Variants in ZNF608 observed in about 807,000 individuals in gnomAD.
ZNF608 encodes zinc finger protein 608, also known as renal carcinoma antigen NY-REN-36.
ZNF608 carries 12 observed loss-of-function variants against 109.0 expected under a neutral mutation model. The observed-to-expected ratio is 0.11, with a 90% CI of 0.07 to 0.18. The LOEUF (loss-of-function observed/expected upper bound fraction) is 0.18, where lower values mean the gene tolerates loss of function less well. ZNF608 is among the 10% of genes least tolerant of loss of function. The probability of loss-of-function intolerance (pLI) is 1.00; values close to 1 mark genes in which losing one functional copy is unlikely to be tolerated. For missense variants in ZNF608, 1,707 were observed against 1,879.3 expected, an observed-to-expected ratio of 0.91 and a Z score of 1.70; for synonymous variants, 732 against 717.4, an observed-to-expected ratio of 1.02 and a Z score of -0.33.
At chr5:124,638,875 C>T (rs546364762) in intron 9 of ZNF608, 33 of 1,040,178 alleles carry the variant, frequency 3.2e-5, no homozygotes, top group Admixed American at 3.0e-4. Flanking sequence ...TTAGAAATGC[C>T]GTAAGGATAA....
intron 2 of ZNF608, among the ~76,000 whole-genome samples, chr5:124,738,281 G>A (rs570917065): frequency 6.6e-6 from 1 of 152,184 alleles, no homozygotes; most frequent in African/African-American, 2.4e-5. Context: ...AGCGAAGAAG[G>A]GTTATTTTCC....
chr5:124,727,131 G>A (rs531975496), intron 2 of ZNF608, among the ~76,000 whole-genome samples: 9 of 152,272 alleles, frequency 5.9e-5, no homozygotes, highest in Non-Finnish European at 1.3e-4. Context: ...CAGCAACAGA[G>A]TTTTGCAACA....
In ZNF608 at chr5:124,649,028, T is replaced by G. The variant is rs997647739; in HGVS notation, c.1356A>C (p.Thr452=). 6.2e-7 allele frequency: 1 copy of G among 1,614,092 alleles called. No individual in the cohort carries two copies. The change falls in exon 5 of 10, where the codon ACA becomes ACC. Residue 452 remains threonine, a synonymous_variant. Coordinates refer to ENST00000513986, the MANE Select transcript of ZNF608 (RefSeq NM_020747.3). ...AAAPGSEASF[T]ESRGLQNKNR... is the part of the protein sequence containing the mutation. The stretch of plus-strand genomic sequence containing the variant: ...TCTTATTCTGCAGCCCTCTGGACTC[T>G]GTGAAGCTGGCCTCGGAGCCCGGGG...
At chr5:124,742,525 A>G (rs1185978421) in intron 2 of ZNF608, among the ~76,000 whole-genome samples, 1 of 151,936 alleles carries the variant, frequency 6.6e-6, no homozygotes, top group Non-Finnish European at 1.5e-5. Context: ...ACTAAGTAAT[A>G]AGAAGATTTC....
intron 3 of ZNF608, among the ~76,000 whole-genome samples, chr5:124,669,658 AACACAC>A (rs56258363): frequency 9.5e-5 from 14 of 148,128 alleles, no homozygotes; most frequent in South Asian, 2.2e-4. Context: ...AACACACACA[AACACAC>A]ACACACACAC....
chr5:124,739,612 T>C (rs1056172103), intron 2 of ZNF608, among the ~76,000 whole-genome samples: 16 of 152,232 alleles, frequency 1.1e-4, no homozygotes, highest in Non-Finnish European at 2.1e-4. Context: ...ATGGCTGGGC[T>C]TCTGGAAATC....
intron 7 of ZNF608, among the ~76,000 whole-genome samples, chr5:124,641,900 G>A (rs959522003): frequency 6.6e-6 from 1 of 152,130 alleles, no homozygotes; most frequent in Non-Finnish European, 1.5e-5. Flanking sequence ...AGAAATCACT[G>A]TCCTACACCC....
At chr5:124,704,265 G>T (rs896492533) in intron 2 of ZNF608, among the ~76,000 whole-genome samples, 1 of 152,148 alleles carries the variant, frequency 6.6e-6, no homozygotes, top group Non-Finnish European at 1.5e-5. Context: ...TCACATCTTT[G>T]ACTTGCACAA....
intron 3 of ZNF608, among the ~76,000 whole-genome samples, chr5:124,681,278 C>G (rs548050119): frequency 6.6e-6 from 1 of 152,180 alleles, no homozygotes; most frequent in Non-Finnish European, 1.5e-5. Flanking sequence ...CATGGTGAAA[C>G]CCCGTCTCTA....
At chr5:124,703,226 A>G (rs1366951421) in intron 2 of ZNF608, among the ~76,000 whole-genome samples, 3 of 152,234 alleles carry the variant, frequency 2.0e-5, no homozygotes, top group African/African-American at 4.8e-5. Flanking sequence ...CACCTGATCA[A>G]CAGCCTACAT....
chr5:124,743,854 AAGCAGCAGCAGCAGC>A (rs144751589), intron 2 of ZNF608, among the ~76,000 whole-genome samples: 6 of 151,178 alleles, frequency 4.0e-5, no homozygotes, highest in Non-Finnish European at 8.8e-5. Flanking sequence ...CTAGCATCAC[AAGCAGCAGCAGCAGC>A]AGCAGCAGCA....
At chr5:124,704,309 C>T (rs1040847979) in intron 2 of ZNF608, among the ~76,000 whole-genome samples, 3 of 152,202 alleles carry the variant, frequency 2.0e-5, no homozygotes, top group Non-Finnish European at 4.4e-5. Context: ...GTAGTATCGG[C>T]TTCTCATGGT....
chr5:124,695,826 T>G (rs576485782), intron 3 of ZNF608, among the ~76,000 whole-genome samples: 1 of 151,740 alleles, frequency 6.6e-6, no homozygotes, highest in East Asian at 1.9e-4. Context: ...AATACTATCA[T>G]CTTTATGACT....
intron 3 of ZNF608, among the ~76,000 whole-genome samples, chr5:124,689,522 A>C (rs1168250266): frequency 2.0e-5 from 3 of 152,122 alleles, no homozygotes; most frequent in Admixed American, 1.3e-4. Flanking sequence ...TAGTTTCCAA[A>C]ATATTCAAAG....
chr5:124,691,212 C>T (rs1371948702), intron 3 of ZNF608, among the ~76,000 whole-genome samples: 4 of 151,988 alleles, frequency 2.6e-5, no homozygotes, highest in African/African-American at 4.8e-5. Flanking sequence ...GAGTTTGAGG[C>T]TGCACTCCAG....
intron 3 of ZNF608, among the ~76,000 whole-genome samples, chr5:124,677,855 T>G (rs898992607): frequency 6.6e-6 from 1 of 152,098 alleles, no homozygotes; most frequent in East Asian, 1.9e-4. Flanking sequence ...AACACCACCC[T>G]TGCCCAGCAC....
chr5:124,725,645 C>T (rs1437034210), intron 2 of ZNF608, among the ~76,000 whole-genome samples: 1 of 152,058 alleles, frequency 6.6e-6, no homozygotes, highest in Non-Finnish European at 1.5e-5. Flanking sequence ...AACACAGCAA[C>T]AATACCCTGC....
intron 2 of ZNF608, among the ~76,000 whole-genome samples, chr5:124,702,240 T>C (rs1044187047): frequency 6.6e-6 from 1 of 152,182 alleles, no homozygotes; most frequent in Non-Finnish European, 1.5e-5. Context: ...TGATTATTGG[T>C]TGTGAAAATG....
At chr5:124,704,601 C>T (rs1753185011) in intron 2 of ZNF608, among the ~76,000 whole-genome samples, 1 of 152,096 alleles carries the variant, frequency 6.6e-6, no homozygotes, top group Non-Finnish European at 1.5e-5. Flanking sequence ...TTTAGCAACA[C>T]TTTAATAAAT....
Sources: gnomAD v4.1 joint callset for allele counts (sites outside exome capture counted in the v4.1 genomes callset) on GRCh38, gnomAD v4.1.1 for gene constraint, MANE v1.5 for transcripts, NCBI Gene and HGNC (gene_info 2026-07-23, HGNC 2026-07-21) for gene names.